Variants in MAMDC2 observed in about 807,000 individuals in gnomAD.
MAMDC2 encodes MAM domain containing 2.
In MAMDC2, 57 loss-of-function variants were observed where a neutral mutation model predicts 89.8. That is an observed-to-expected ratio of 0.63 (90% confidence interval 0.51 to 0.79). The LOEUF (loss-of-function observed/expected upper bound fraction) is 0.79. MAMDC2 is among the 30% of genes least tolerant of loss of function. The probability of loss-of-function intolerance (pLI) is 0.00; values close to 1 mark genes in which losing one functional copy is unlikely to be tolerated. For synonymous variants in MAMDC2, 313 were observed against 293.4 expected (o/e 1.07, Z -0.68); for missense variants, 800 against 820.6 (o/e 0.97, Z 0.31).
intron 11 of MAMDC2, among the ~76,000 whole-genome samples, chr9:70,207,358 A>T (rs944063482): frequency 2.0e-5 from 3 of 151,954 alleles, no homozygotes; most frequent in Middle Eastern, 3.2e-3. Flanking sequence ...TGTGGTTTTG[A>T]TTTGCATTTC....
At chr9:70,170,352 A>G in intron 10 of MAMDC2, 127 bp from the exon 11 acceptor site, 1 of 1,061,076 alleles carries the variant, frequency 9.4e-7, no homozygotes, top group Non-Finnish European at 1.3e-6. Flanking sequence ...GTGGGCCACC[A>G]GTGGGGGCTG....
At chr9:70,208,871 TG>T (rs2033288315) in intron 11 of MAMDC2, among the ~76,000 whole-genome samples, 2 of 152,336 alleles carry the variant, frequency 1.3e-5, no homozygotes, top group Admixed American at 1.3e-4. Flanking sequence ...AGGCCTTTTC[TG>T]TGTCTATTGA....
At chr9:70,139,874 T>C (rs1452403345) in intron 7 of MAMDC2, among the ~76,000 whole-genome samples, 1 of 152,160 alleles carries the variant, frequency 6.6e-6, no homozygotes, top group East Asian at 1.9e-4. Context: ...GGAGGAAATT[T>C]CTTTTGAAGT....
chr9:70,048,785 T>C (rs1826820649), intron 2 of MAMDC2, among the ~76,000 whole-genome samples: 1 of 152,230 alleles, frequency 6.6e-6, no homozygotes, highest in African/African-American at 2.4e-5. Flanking sequence ...CTGAGGATTC[T>C]TGGAGACCAT....
intron 2 of MAMDC2, chr9:70,089,291 T>G (rs1201789246): frequency 6.6e-6 from 1 of 152,192 alleles, no homozygotes; most frequent in Non-Finnish European, 1.5e-5. Flanking sequence ...TTTCTGATGC[T>G]CTTCACAGTC....
At chr9:70,213,292 T>C (rs1361159125) in intron 11 of MAMDC2, among the ~76,000 whole-genome samples, 4 of 152,244 alleles carry the variant, frequency 2.6e-5, no homozygotes, top group Non-Finnish European at 5.9e-5. Context: ...CATCTTTCAG[T>C]GGAGCTTTTT....
intron 3 of MAMDC2, among the ~76,000 whole-genome samples, 195 bp downstream of exon 3, chr9:70,108,677 C>T (rs1828412896): frequency 6.6e-6 from 1 of 152,124 alleles, no homozygotes; most frequent in Non-Finnish European, 1.5e-5. Context: ...AGCTTCTTCC[C>T]AGATTTCTTT....
At chr9:70,121,628 C>T (rs1208483463) in intron 5 of MAMDC2, among the ~76,000 whole-genome samples, 1 of 151,672 alleles carries the variant, frequency 6.6e-6, no homozygotes, top group Non-Finnish European at 1.5e-5. Context: ...GCAGGGTATC[C>T]AGTGATTTGG....
At chr9:70,132,560 T>TG (rs1176124749) in intron 7 of MAMDC2, among the ~76,000 whole-genome samples, 4 of 150,652 alleles carry the variant, frequency 2.7e-5, no homozygotes, top group African/African-American at 9.8e-5. Flanking sequence ...GAAGGGGAAT[T>TG]GGGGGGTCTC....
At chr9:70,198,002 G>A (rs2033006641) in intron 11 of MAMDC2, among the ~76,000 whole-genome samples, 1 of 152,018 alleles carries the variant, frequency 6.6e-6, no homozygotes, top group Non-Finnish European at 1.5e-5. Flanking sequence ...GATATTTGGA[G>A]AGAGAGAAAA....
At chr9:70,129,828 T>C (rs2030715377) in intron 6 of MAMDC2, among the ~76,000 whole-genome samples, 1 of 152,014 alleles carries the variant, frequency 6.6e-6, no homozygotes, top group Non-Finnish European at 1.5e-5. Context: ...GAAACAGAAA[T>C]TTTGTATGTC....
intron 5 of MAMDC2, among the ~76,000 whole-genome samples, chr9:70,125,407 G>C (rs1241916086): frequency 6.6e-6 from 1 of 152,228 alleles, no homozygotes; most frequent in Non-Finnish European, 1.5e-5. Context: ...CTAGTAAGAA[G>C]TGGAGCAGGA....
intron 11 of MAMDC2, among the ~76,000 whole-genome samples, chr9:70,195,173 T>A (rs545642749): frequency 6.6e-6 from 1 of 152,236 alleles, no homozygotes; most frequent in Non-Finnish European, 1.5e-5. Flanking sequence ...CAAAAACTTT[T>A]GTATGACTAA....
At chr9:70,222,008 A>C (rs1236411816) in intron 12 of MAMDC2, among the ~76,000 whole-genome samples, 1 of 152,178 alleles carries the variant, frequency 6.6e-6, no homozygotes, top group Non-Finnish European at 1.5e-5. Flanking sequence ...AGTATACTGC[A>C]ATGGGACAAG....
intron 11 of MAMDC2, among the ~76,000 whole-genome samples, chr9:70,186,836 G>A (rs2032765767): frequency 6.6e-6 from 1 of 152,158 alleles, no homozygotes; most frequent in Non-Finnish European, 1.5e-5. Flanking sequence ...CAGAGCAAGA[G>A]GGAGGCAGGA....
At chr9:70,215,098 A>C (rs967256548) in intron 11 of MAMDC2, among the ~76,000 whole-genome samples, 11 of 152,210 alleles carry the variant, frequency 7.2e-5, no homozygotes, top group Non-Finnish European at 1.2e-4. Context: ...ACCTTGGGGC[A>C]CTCCAGGGTC....
At position 70,044,251 on chromosome 9, in the gene MAMDC2, A is replaced by T. The variant is rs1307003445; in HGVS notation, c.34+20A>T. The T allele has an allele frequency of 1.2e-6, 2 of 1,610,892 alleles. No individual in the cohort carries two copies. The highest frequency in any genetic ancestry group is 4.5e-5 in the East Asian group (2 of 44,786). On this transcript the variant is annotated intron_variant, in intron 1 of 13. Coordinates refer to ENST00000377182, the MANE Select transcript of MAMDC2 (RefSeq NM_153267.5). ...TGCAAGGTAAGGCCTGGACCCCGGG[A>T]CAACCCCGGGGGCGCTCTGACGACT...
rs550481944 is a variant in MAMDC2, at chr9:70,124,721, T to C, written c.644-1438T>C. Among the ~76,000 whole-genome samples, 57 of 152,350 alleles carry C rather than the reference T, an allele frequency of 3.7e-4. 1 individual carries two copies. Among genetic ancestry groups the C allele is most frequent in the African/African-American group, 1.3e-3 (53 of 41,586 alleles). On this transcript the variant is annotated intron_variant, in intron 5 of 13. Transcript: ENST00000377182. ...TATTCTTTATTTCCTTATTTTATTT[T>C]TTGGAGACAGGGTCTTGCTTATCAC...
chr9:70,119,092 CT>C (rs2030163458), intron 5 of MAMDC2, among the ~76,000 whole-genome samples: 2 of 145,394 alleles, frequency 1.4e-5, no homozygotes, highest in South Asian at 4.2e-4. Context: ...ATATGGGTTT[CT>C]TTCTTTATTC....
Sources: allele counts gnomAD v4.1 joint callset (sites outside exome capture counted in the v4.1 genomes callset), GRCh38; gene constraint gnomAD v4.1.1; transcripts MANE v1.5; gene names NCBI Gene and HGNC (gene_info 2026-07-23, HGNC 2026-07-21).